The following ANK3 variants were observed in gnomAD, a reference collection of about 807,000 sequenced individuals.
ANK3 encodes ankyrin 3.
ANK3 carries 57 observed loss-of-function variants against 370.9 expected under a neutral mutation model. That is an observed-to-expected ratio of 0.15 (90% CI 0.12 to 0.19). The LOEUF is 0.19. ANK3 is among the 10% of genes least tolerant of loss of function. The pLI, the probability that ANK3 is intolerant of heterozygous loss-of-function variation, is 1.00. For missense variants in ANK3, 4,439 were observed against 5,302.1 expected (o/e 0.84, Z 5.06); for synonymous variants, 1,929 against 1,946.3 (o/e 0.99, Z 0.23).
intron 28 of ANK3, among the ~76,000 whole-genome samples, chr10:60,104,800 C>G (rs547863705): frequency 1.4e-4 from 21 of 152,226 alleles, no homozygotes; most frequent in Non-Finnish European, 2.9e-5. Context: ...TCATAATTAT[C>G]AAGGGCTTAC....
chr10:60,731,979 A>G (rs538896499), intron 1 of ANK3, among the ~76,000 whole-genome samples: 47 of 152,362 alleles, frequency 3.1e-4, no homozygotes, highest in African/African-American at 1.1e-3. Context: ...TCTTTTGAAG[A>G]CTTCTCATTG....
chr10:60,094,782 A>C (rs1238458145), intron 28 of ANK3, among the ~76,000 whole-genome samples: 2 of 152,164 alleles, frequency 1.3e-5, no homozygotes, highest in African/African-American at 4.8e-5. Context: ...GTCACTACAG[A>C]ATTCTTAGGA....
intron 23 of ANK3, among the ~76,000 whole-genome samples, chr10:60,166,075 T>G (rs2095616922): frequency 6.6e-6 from 1 of 152,096 alleles, no homozygotes; most frequent in African/African-American, 2.4e-5. Flanking sequence ...TCTCTTTCAT[T>G]AAATCATTAT....
chr10:60,423,648 T>C (rs907525691), intron 2 of ANK3, among the ~76,000 whole-genome samples: 3 of 152,024 alleles, frequency 2.0e-5, no homozygotes, highest in Non-Finnish European at 4.4e-5. Context: ...TCTTTATATT[T>C]ACCAATAGCT....
At chr10:60,536,315 G>A (rs1180863119) in intron 2 of ANK3, among the ~76,000 whole-genome samples, 1 of 152,020 alleles carries the variant, frequency 6.6e-6, no homozygotes, top group Non-Finnish European at 1.5e-5. Context: ...GCTTTGGAAA[G>A]CTTGTTTTGC....
chr10:60,386,810 A>T (rs547091169), intron 1 of ANK3, among the ~76,000 whole-genome samples: 4 of 152,092 alleles, frequency 2.6e-5, no homozygotes, highest in Non-Finnish European at 2.9e-5. Context: ...TATAAACTAG[A>T]TACTCTTTAG....
At chr10:60,277,414 C>A (rs990590077) in intron 4 of ANK3, among the ~76,000 whole-genome samples, 1 of 152,158 alleles carries the variant, frequency 6.6e-6, no homozygotes, top group Non-Finnish European at 1.5e-5. Flanking sequence ...TAAGTTATAA[C>A]TGGATTCATA....
intron 1 of ANK3, among the ~76,000 whole-genome samples, chr10:60,713,815 G>A (rs1226935139): frequency 1.3e-5 from 2 of 151,972 alleles, no homozygotes; most frequent in Non-Finnish European, 2.9e-5. Flanking sequence ...ACTTGAACCT[G>A]GGAGGCAGAG....
chr10:60,619,069 A>G (rs1274373120), intron 1 of ANK3, among the ~76,000 whole-genome samples: 1 of 152,058 alleles, frequency 6.6e-6, no homozygotes, highest in Non-Finnish European at 1.5e-5. Flanking sequence ...CTCTTCTGGA[A>G]GAGCTCCTTC....
At position 60,075,266 on chromosome 10, in the gene ANK3, G is replaced by C. The variant is rs530083684; in HGVS notation, c.5615C>G (p.Thr1872Ser). Residue 1872 changes from threonine to serine, a missense_variant, in exon 37 of 44, where the codon ACT becomes AGT. Physicochemically the swap from Thr to Ser is moderately conservative, Grantham distance 58. Coordinates refer to ENST00000280772, the MANE Select transcript of ANK3 (RefSeq NM_020987.5). ...CAAAGATGACTTAACTGGAGATGAA[G>C]TTCGACTGAAGTGAGGCTGAGGATG... The part of the protein sequence containing the change: ...ETHPQPHFSR[T>S]SSPVKSSLFL... 8.1e-6 allele frequency: 13 copies of C among 1,614,074 alleles called. No homozygotes were observed. The highest frequency in any genetic ancestry group is 6.8e-6 in the Non-Finnish European group (8 of 1,180,036).
At chr10:60,342,584 G>A (rs2054510234) in intron 1 of ANK3, among the ~76,000 whole-genome samples, 2 of 152,270 alleles carry the variant, frequency 1.3e-5, no homozygotes, top group South Asian at 4.1e-4. Flanking sequence ...ATACACATTA[G>A]CTCTTTGAAA....
chr10:60,653,786 T>A (rs148170764), intron 1 of ANK3, among the ~76,000 whole-genome samples: 6 of 152,162 alleles, frequency 3.9e-5, no homozygotes, highest in African/African-American at 1.4e-4. Flanking sequence ...GAGAATCACT[T>A]GGGCCCAGGA....
intron 30 of ANK3, among the ~76,000 whole-genome samples, chr10:60,085,767 G>A (rs1329998318): frequency 1.3e-5 from 2 of 151,856 alleles, no homozygotes; most frequent in South Asian, 2.1e-4. Context: ...AGGTGCCTGC[G>A]ACCACGCCCA....
intron 1 of ANK3, among the ~76,000 whole-genome samples, chr10:60,387,173 ATC>A (rs2062493943): frequency 2.0e-5 from 3 of 151,892 alleles, no homozygotes; most frequent in African/African-American, 7.3e-5. Context: ...AAAAAAAAAA[ATC>A]CTATACAATA....
intron 43 of ANK3, among the ~76,000 whole-genome samples, chr10:60,035,664 C>T (rs1466294975): frequency 2.7e-5 from 4 of 150,060 alleles, no homozygotes. Flanking sequence ...ATCTTGAAGC[C>T]AAGGCTTTTG....
At chr10:60,599,815 TTGTC>T (rs1327439213) in intron 2 of ANK3, among the ~76,000 whole-genome samples, 3 of 152,180 alleles carry the variant, frequency 2.0e-5, no homozygotes, top group Admixed American at 1.3e-4. Context: ...AAATTCAACT[TTGTC>T]TGTAAAGCCC....
chr10:60,487,720 A>ATTTTT lies in ANK3; in HGVS notation c.96+127461_96+127465dup, dbSNP rs10684114. The stretch of plus-strand genomic sequence containing the variant: ...CCCCAGATAATTCTGATGATGTTGC[A>ATTTTT]TTTTTTTTTTTGAGACAGAGTCTCG... On this transcript the variant is annotated intron_variant, in intron 2 of 43. Transcript: ENST00000373827. 5.3e-3 allele frequency among the ~76,000 whole-genome samples: 773 copies of ATTTTT among 144,978 alleles called. 9 individuals carry two copies. Among genetic ancestry groups the ATTTTT allele is most frequent in the African/African-American group, 0.017 (685 of 39,468 alleles).
At position 60,490,088 on chromosome 10, in the gene ANK3, C is replaced by T. The variant is rs775399534; in HGVS notation, c.96+125098G>A. 2.0e-5 allele frequency among the ~76,000 whole-genome samples: 3 copies of T among 152,162 alleles called. No homozygotes were observed. The South Asian group carries it at 6.2e-4, about 31-fold the overall frequency. On this transcript the variant is annotated intron_variant, in intron 2 of 43. Coordinates refer to the ANK3 transcript ENST00000373827. ...CTGCTCTCCCTCCCTGAAATCAGAG[C>T]GCATATGTAGGATGAGCCCAAGCTG...
At chr10:60,443,104 G>C (rs1043251652) in intron 2 of ANK3, among the ~76,000 whole-genome samples, 14 of 152,184 alleles carry the variant, frequency 9.2e-5, no homozygotes, top group African/African-American at 2.9e-4. Flanking sequence ...CTGAGCATTA[G>C]AGGATGTCTG....
Sources: allele counts gnomAD v4.1 joint callset (sites outside exome capture counted in the v4.1 genomes callset), GRCh38; gene constraint gnomAD v4.1.1; transcripts MANE v1.5; gene names NCBI Gene and HGNC (gene_info 2026-07-23, HGNC 2026-07-21).